The following GABRB2 variants were observed in gnomAD, a reference collection of about 807,000 sequenced individuals.
The protein encoded by GABRB2 is gamma-aminobutyric acid type A receptor subunit beta2.
Under a neutral mutation model 54.7 loss-of-function variants are expected in GABRB2, and 16 were observed. The observed-to-expected ratio is 0.29, with a 90% CI of 0.20 to 0.44. GABRB2 has a LOEUF of 0.44. Among genes scored for constraint, GABRB2 ranks in the 20% least tolerant of loss-of-function variants. The pLI is 1.00. For missense variants in GABRB2, 355 were observed against 644.0 expected (o/e 0.55, Z 4.86); for synonymous variants, 244 against 233.8 (o/e 1.04, Z -0.40).
intron 9 of GABRB2, among the ~76,000 whole-genome samples, chr5:161,296,222 G>A (rs933842134): frequency 1.4e-4 from 22 of 152,160 alleles, no homozygotes; most frequent in Non-Finnish European, 2.9e-4. Context: ...AAACCTGATG[G>A]AAATGGGACA....
At chr5:161,337,569 G>C (rs950222870) in intron 5 of GABRB2, among the ~76,000 whole-genome samples, 1 of 152,078 alleles carries the variant, frequency 6.6e-6, no homozygotes, top group East Asian at 1.9e-4. Flanking sequence ...CTGGGGATGA[G>C]AGTCTATATA....
chr5:161,300,449 A>G (rs1757504147), intron 9 of GABRB2, among the ~76,000 whole-genome samples: 1 of 152,238 alleles, frequency 6.6e-6, no homozygotes, highest in Admixed American at 6.5e-5. Context: ...CAGAAAAATG[A>G]ACTGAATTAC....
intron 3 of GABRB2, among the ~76,000 whole-genome samples, chr5:161,492,743 G>A (rs554785414): frequency 2.6e-5 from 4 of 151,740 alleles, no homozygotes; most frequent in South Asian, 2.1e-4. Flanking sequence ...GGTACCCACC[G>A]TAAAACAGTC....
At chr5:161,474,419 G>A (rs546836802) in intron 3 of GABRB2, among the ~76,000 whole-genome samples, 5 of 151,716 alleles carry the variant, frequency 3.3e-5, no homozygotes, top group Admixed American at 6.6e-5. Context: ...CATACAGTGC[G>A]GGGCCTAATT....
intron 3 of GABRB2, among the ~76,000 whole-genome samples, chr5:161,463,565 A>T (rs1412574431): frequency 2.9e-5 from 3 of 104,732 alleles, no homozygotes; most frequent in Non-Finnish European, 6.3e-5. Flanking sequence ...TTATATATAT[A>T]TATATATATA....
At chr5:161,532,404 A>T (rs545062792) in intron 3 of GABRB2, among the ~76,000 whole-genome samples, 29 of 152,196 alleles carry the variant, frequency 1.9e-4, no homozygotes, top group African/African-American at 7.0e-4. Context: ...ATTTCACTAT[A>T]AAACTACTAT....
intron 9 of GABRB2, among the ~76,000 whole-genome samples, chr5:161,319,654 G>T (rs1209691448): frequency 4.0e-5 from 6 of 151,224 alleles, no homozygotes; most frequent in Non-Finnish European, 8.9e-5. Flanking sequence ...TATAGTGTTG[G>T]TACCTTATTT....
At chr5:161,443,361 C>A (rs1461934292) in intron 4 of GABRB2, among the ~76,000 whole-genome samples, 1 of 152,014 alleles carries the variant, frequency 6.6e-6, no homozygotes, top group Non-Finnish European at 1.5e-5. Flanking sequence ...AGCCAAGGAT[C>A]CCATTTATGA....
chr5:161,362,215 C>T (rs937813427), intron 5 of GABRB2, among the ~76,000 whole-genome samples: 5 of 152,120 alleles, frequency 3.3e-5, no homozygotes, highest in Admixed American at 3.3e-4. Context: ...AGCGTGATGC[C>T]TCCAGCTTTG....
At chr5:161,391,356 C>G (rs998738559) in intron 5 of GABRB2, among the ~76,000 whole-genome samples, 1 of 152,086 alleles carries the variant, frequency 6.6e-6, no homozygotes, top group Non-Finnish European at 1.5e-5. Flanking sequence ...AACTGTGGGT[C>G]AATTTAACGA....
chr5:161,495,086 T>C (rs987135618), intron 3 of GABRB2, among the ~76,000 whole-genome samples: 7 of 152,008 alleles, frequency 4.6e-5, no homozygotes, highest in African/African-American at 4.8e-5. Context: ...ACATGATGCT[T>C]AGTCACAAAT....
At chr5:161,421,152 T>C (rs887854200) in intron 4 of GABRB2, among the ~76,000 whole-genome samples, 1 of 152,220 alleles carries the variant, frequency 6.6e-6, no homozygotes, top group Non-Finnish European at 1.5e-5. Context: ...CTAGGCACTT[T>C]AGTGCATTCA....
At chr5:161,319,139 T>A (rs1643534) in intron 9 of GABRB2, among the ~76,000 whole-genome samples, 66,313 of 148,356 alleles carry the variant, frequency 0.45, 15,997 homozygotes, top group African/African-American at 0.62. Flanking sequence ...TTTTTTTTTT[T>A]AAATAAACAA....
At chr5:161,388,027 T>C (rs1755700262) in intron 5 of GABRB2, among the ~76,000 whole-genome samples, 2 of 152,186 alleles carry the variant, frequency 1.3e-5, no homozygotes, top group East Asian at 3.9e-4. Flanking sequence ...AATAAAACTA[T>C]TATTTGGGAT....
At chr5:161,333,534 A>G (rs1753913007) in intron 7 of GABRB2, among the ~76,000 whole-genome samples, 1 of 152,180 alleles carries the variant, frequency 6.6e-6, no homozygotes, top group Admixed American at 6.5e-5. Context: ...TAAAACAGAA[A>G]TCAAATCATG....
chr5:161,378,144 T>G (rs1374033776), intron 5 of GABRB2, among the ~76,000 whole-genome samples: 1 of 152,130 alleles, frequency 6.6e-6, no homozygotes, highest in Non-Finnish European at 1.5e-5. Context: ...ACAATAGGCT[T>G]ACTAGCTTTG....
At chr5:161,494,381 A>G (rs186161450) in intron 3 of GABRB2, among the ~76,000 whole-genome samples, 1 of 151,866 alleles carries the variant, frequency 6.6e-6, no homozygotes, top group African/African-American at 2.4e-5. Context: ...AGAAGAGACC[A>G]TGAGAGTTGA....
chr5:161,331,130 G>GA lies in GABRB2; in HGVS notation c.833-4dup, dbSNP rs777633076. The GA allele has an allele frequency of 2.0e-5, 31 of 1,528,990 alleles. No individual in the cohort carries two copies. Among genetic ancestry groups the GA allele is most frequent in the South Asian group, 7.8e-5 (6 of 77,174 alleles). 94.7% of individuals were successfully genotyped at this position (1,528,990 alleles called of 1,614,324 possible). On this transcript the variant is annotated splice_region_variant and splice_polypyrimidine_tract_variant and intron_variant, in intron 7 of 9. Transcript: ENST00000393959. ...CATTGTGAGGACAGTTGTGATTCCT[G>GA]AAAAAAAATGGGAGAGTTAGAGTAA...
Position 161,539,141 on chromosome 5 carries a change from G to T in GABRB2, c.237+6086C>A, listed in dbSNP as rs996429644. ...AAATGTGTTGTTTTAAGATGGAGAA[G>T]AATCTGCTTTAAATGAAGAGGAAGC... is the stretch of plus-strand genomic sequence containing the variant. On this transcript the variant is annotated intron_variant, in intron 3 of 9. Coordinates refer to ENST00000393959, the MANE Select transcript of GABRB2 (RefSeq NM_001371727.1). 3.9e-5 allele frequency among the ~76,000 whole-genome samples: 6 copies of T among 152,296 alleles called. No homozygotes were observed. The Middle Eastern group carries it at 0.01, about 259-fold the overall frequency.
Sources: gnomAD v4.1 joint callset for allele counts (sites outside exome capture counted in the v4.1 genomes callset) on GRCh38, gnomAD v4.1.1 for gene constraint, MANE v1.5 for transcripts, NCBI Gene and HGNC (gene_info 2026-07-23, HGNC 2026-07-21) for gene names.